Variants in SRBD1 observed in about 807,000 individuals in gnomAD.
SRBD1 encodes S1 RNA-binding domain-containing protein 1.
Under a neutral mutation model 115.3 loss-of-function variants are expected in SRBD1, and 88 were observed. The ratio of observed to expected loss-of-function variants is 0.76; its 90% CI spans 0.64 to 0.91. The LOEUF is 0.91. Among genes scored for constraint, SRBD1 ranks in the 40% least tolerant of loss-of-function variants. The pLI is 0.00. For synonymous variants in SRBD1, 509 were observed against 407.7 expected (o/e 1.25, Z -2.99); for missense variants, 1,385 against 1,177.4 (o/e 1.18, Z -2.58).
At chr2:45,605,232 T>C in intron 2 of SRBD1, 130 bp downstream of exon 2, 2 of 708,590 alleles carry the variant, frequency 2.8e-6, no homozygotes, top group Non-Finnish European at 2.4e-6. Flanking sequence ...AACAAATACT[T>C]GTTGCATGAA....
rs1669110780 is a variant in SRBD1 at position 45,455,039 on chromosome 2, T to C, written c.2049+21954A>G. Among the ~76,000 whole-genome samples, 4 of 151,920 alleles carry C rather than the reference T, an allele frequency of 2.6e-5. No homozygotes were observed. The South Asian group carries it at 8.3e-4, about 32-fold the overall frequency. On this transcript the variant is annotated intron_variant, in intron 16 of 20. Transcript: ENST00000263736. ...TTTTCTCCACACTCTTAAAATCTCC[T>C]TGTGTACACCCACCACACACACAAT... is the stretch of plus-strand genomic sequence containing the variant.
intron 10 of SRBD1, among the ~76,000 whole-genome samples, chr2:45,554,525 G>C (rs1489184313): frequency 6.6e-6 from 1 of 151,986 alleles, no homozygotes; most frequent in African/African-American, 2.4e-5. Flanking sequence ...TTACTCTATT[G>C]CTCAGGCCAC....
intron 10 of SRBD1, 123 bp from the exon 11 acceptor site, chr2:45,553,853 C>A: frequency 2.0e-6 from 1 of 488,120 alleles, no homozygotes. Flanking sequence ...GCCAAAGTAA[C>A]ATAATCTGTG....
chr2:45,467,348 G>C lies in SRBD1; in HGVS notation c.2049+9645C>G, dbSNP rs562327724. Among the ~76,000 whole-genome samples, 5 of 152,258 alleles carry C rather than the reference G, an allele frequency of 3.3e-5. No individual in the cohort carries two copies. The East Asian group carries it at 9.7e-4, about 29-fold the overall frequency. On this transcript the variant is annotated intron_variant, in intron 16 of 20. Transcript: ENST00000263736. Reference sequence around the variant, plus strand: ...AAAAACTCCCCTGCATAATCTTAAGGTTTCTCATTTAAATAATTTAAGAGT... The same window carrying C: ...AAAAACTCCCCTGCATAATCTTAAGCTTTCTCATTTAAATAATTTAAGAGT...
intron 2 of SRBD1, among the ~76,000 whole-genome samples, chr2:45,603,177 T>C (rs1001081907): frequency 2.0e-5 from 3 of 152,142 alleles, no homozygotes; most frequent in East Asian, 3.8e-4. Context: ...TAACCCTATT[T>C]CACAAAGGAA....
At chr2:45,546,435 A>T in intron 14 of SRBD1, 3 of 761,778 alleles carry the variant, frequency 3.9e-6, no homozygotes, top group Non-Finnish European at 3.2e-6. Context: ...TTATTATTCA[A>T]TAGTTAACTA....
rs200768534 is a variant in SRBD1 at position 45,488,231 on chromosome 2, G to C, written c.1966+9C>G. On this transcript the variant is annotated intron_variant, in intron 15 of 20. Transcript: ENST00000263736. ...TCACATGTTTTTGTGATGGTCCATA[G>C]TTTCTTACCTGCACTTCTCAAATTA... The C allele has an allele frequency of 6.2e-7, 1 of 1,611,892 alleles. No individual in the cohort carries two copies. Among genetic ancestry groups the C allele is most frequent in the African/African-American group, 1.3e-5 (1 of 74,980 alleles).
At chr2:45,470,952 A>T (rs1669630479) in intron 16 of SRBD1, among the ~76,000 whole-genome samples, 1 of 152,198 alleles carries the variant, frequency 6.6e-6, no homozygotes, top group Non-Finnish European at 1.5e-5. Context: ...TATTGAAATA[A>T]TATTATAGCT....
Position 45,585,673 on chromosome 2 carries a change from T to G in SRBD1, c.750A>C (p.Lys250Asn). 6.2e-7 allele frequency: 1 copy of G among 1,612,804 alleles called. No homozygotes were observed. Among genetic ancestry groups the G allele is most frequent in the Middle Eastern group, 1.7e-4 (1 of 6,058 alleles). Reference protein sequence around the residue: ...NTIPFIIRYRKELINNLDADS... With the variant: ...NTIPFIIRYRNELINNLDADS... ...CAGCATCAAGGTTATTAATGAGCTCTTTTCTATAACGTATAATGAAGGGAA... is the reference window on the plus strand; with the variant it reads ...CAGCATCAAGGTTATTAATGAGCTCGTTTCTATAACGTATAATGAAGGGAA... Residue 250 changes from lysine (K) to asparagine (N), a missense_variant, in exon 5 of 21, where the codon AAA (lysine) becomes AAC (asparagine). Physicochemically the swap from Lys to Asn is moderately conservative, Grantham distance 94. Coordinates refer to ENST00000263736, the MANE Select transcript of SRBD1 (RefSeq NM_018079.5).
intron 9 of SRBD1, among the ~76,000 whole-genome samples, chr2:45,564,697 C>T (rs1050520922): frequency 6.6e-6 from 1 of 152,108 alleles, no homozygotes; most frequent in African/African-American, 2.4e-5. Flanking sequence ...AAGTTCACAA[C>T]TTACACGGTT....
chr2:45,515,343 A>G (rs1406712474), intron 14 of SRBD1, among the ~76,000 whole-genome samples: 4 of 152,194 alleles, frequency 2.6e-5, no homozygotes, highest in African/African-American at 7.2e-5. Flanking sequence ...TAAAGGTTAT[A>G]CAACTAGTAG....
chr2:45,599,505 G>C lies in SRBD1; in HGVS notation c.592C>G (p.Pro198Ala), dbSNP rs760812902. ...TCTTTAGTACTATTGGCATTTGCTG[G>C]AAACTTGACAGGCTGCCCCTGAGGA... ...TYPQGQPVKF[P>A]ANANSTKEEV... The change falls in exon 4 of 21, where the codon CCA becomes GCA. Residue 198 changes from proline (P) to alanine (A), a missense_variant. Physicochemically the swap from Pro to Ala is conservative, Grantham distance 27. Transcript: ENST00000263736. The C allele has an allele frequency of 2.5e-6, 4 of 1,614,166 alleles. No homozygotes were observed. In the Admixed American group the frequency reaches 6.7e-5, roughly 27 times the overall value.
rs755159601 is a variant in SRBD1, at chr2:45,601,924, G to A, written c.240C>T (p.Val80=). 5 of 1,614,038 alleles carry A rather than the reference G, an allele frequency of 3.1e-6. No individual in the cohort carries two copies. Among genetic ancestry groups the A allele is most frequent in the South Asian group, 1.1e-5 (1 of 91,036 alleles). The change falls in exon 3 of 21, where the codon GTC becomes GTT. Residue 80 remains valine (V), a synonymous_variant. Coordinates refer to ENST00000263736, the MANE Select transcript of SRBD1 (RefSeq NM_018079.5). The part of the protein sequence containing the change: ...NAPQISDGSE[V]VVVKEELNSS... ...CTACCAGCTCCTCCTTAACAACAAC[G>A]ACTTCTGAGCCATCACTGATCTGTG...
In SRBD1 at chr2:45,597,834, TC is replaced by T. The variant is rs1250866687; in HGVS notation, c.648+1614del. Reference sequence around the variant, plus strand: ...GGCAGGGCCATTTTCTACATCTCTTTCCCTGTAACAGAGGGTGGGAAGCAGA... The same window carrying T: ...GGCAGGGCCATTTTCTACATCTCTTTCCTGTAACAGAGGGTGGGAAGCAGA... On this transcript the variant is annotated intron_variant, in intron 4 of 20. Coordinates refer to ENST00000263736, the MANE Select transcript of SRBD1 (RefSeq NM_018079.5). Among the ~76,000 whole-genome samples the T allele has an allele frequency of 2.0e-5, 3 of 152,174 alleles. No homozygotes were observed. In the East Asian group the frequency reaches 5.8e-4, roughly 29 times the overall value.
intron 19 of SRBD1, among the ~76,000 whole-genome samples, chr2:45,410,614 C>T (rs1258116719): frequency 6.6e-6 from 1 of 152,078 alleles, no homozygotes; most frequent in Admixed American, 6.6e-5. Context: ...AGCTGGGGTC[C>T]CCTAGATACC....
intron 13 of SRBD1, among the ~76,000 whole-genome samples, 159 bp downstream of exon 13, chr2:45,547,363 T>G (rs1220129140): frequency 1.3e-5 from 2 of 152,170 alleles, no homozygotes; most frequent in African/African-American, 4.8e-5. Flanking sequence ...AGTCTCCACA[T>G]GCAGAGTTCT....
intron 5 of SRBD1, 146 bp downstream of exon 5, chr2:45,585,462 G>A (rs547126702): frequency 6.8e-5 from 57 of 840,558 alleles, no homozygotes; most frequent in Middle Eastern, 2.3e-4. Flanking sequence ...CCATACACTC[G>A]CTAAATAAAG....
chr2:45,495,357 A>G (rs893521051), intron 14 of SRBD1, among the ~76,000 whole-genome samples: 2 of 152,232 alleles, frequency 1.3e-5, no homozygotes, highest in Admixed American at 6.5e-5. Context: ...GACAAAAAAG[A>G]TGGAAAGTTT....
chr2:45,423,699 C>T (rs1217884930), intron 16 of SRBD1, among the ~76,000 whole-genome samples: 2 of 151,984 alleles, frequency 1.3e-5, no homozygotes, highest in Non-Finnish European at 2.9e-5. Flanking sequence ...TCTATGAGGC[C>T]AGCATTACCC....
Sources: allele counts gnomAD v4.1 joint callset (sites outside exome capture counted in the v4.1 genomes callset), GRCh38; gene constraint gnomAD v4.1.1; transcripts MANE v1.5; gene names NCBI Gene and HGNC (gene_info 2026-07-23, HGNC 2026-07-21).